NRXN3: variants seen among roughly 807,000 people sequenced by gnomAD.
The protein encoded by NRXN3 is neurexin III.
In NRXN3, 32 loss-of-function variants were observed where a neutral mutation model predicts 137.6. That is an observed-to-expected ratio of 0.23 (90% CI 0.18 to 0.31). The LOEUF is 0.31. NRXN3 is among the 10% of genes least tolerant of loss of function. NRXN3 has a pLI of 1.00. For missense variants in NRXN3, 1,574 were observed against 2,062.5 expected (o/e 0.76, Z 4.59); for synonymous variants, 798 against 784.5 (o/e 1.02, Z -0.29).
chr14:78,492,119 C>T (rs938823211), intron 4 of NRXN3, among the ~76,000 whole-genome samples: 2 of 152,076 alleles, frequency 1.3e-5, no homozygotes, highest in African/African-American at 4.8e-5. Flanking sequence ...TATGATTAAA[C>T]AAAATAATAG....
intron 16 of NRXN3, among the ~76,000 whole-genome samples, chr14:79,511,860 T>C (rs1197432579): frequency 6.6e-6 from 1 of 152,204 alleles, no homozygotes; most frequent in Non-Finnish European, 1.5e-5. Flanking sequence ...GTTTGGAAAA[T>C]AACAGCTAAG....
chr14:78,344,310 A>G (rs2082464406), intron 4 of NRXN3, among the ~76,000 whole-genome samples: 1 of 152,234 alleles, frequency 6.6e-6, no homozygotes, highest in Non-Finnish European at 1.5e-5. Context: ...ACCCTAGGGC[A>G]TATTGGAGTC....
chr14:79,498,504 C>T (rs139287433), intron 16 of NRXN3, among the ~76,000 whole-genome samples: 1 of 152,190 alleles, frequency 6.6e-6, no homozygotes, highest in East Asian at 1.9e-4. Context: ...ATCCCCCAAC[C>T]TGCTCCTTAC....
intron 4 of NRXN3, among the ~76,000 whole-genome samples, chr14:78,581,599 G>A (rs983160783): frequency 2.0e-5 from 3 of 152,120 alleles, no homozygotes; most frequent in African/African-American, 7.2e-5. Context: ...TTCTCTACAG[G>A]TTTATAAAAA....
At chr14:79,286,914 C>G (rs1203342637) in intron 15 of NRXN3, among the ~76,000 whole-genome samples, 1 of 152,132 alleles carries the variant, frequency 6.6e-6, no homozygotes, top group Non-Finnish European at 1.5e-5. Flanking sequence ...GTTAACCATA[C>G]TTATATCACA....
At chr14:79,547,918 A>G (rs1231587557) in intron 16 of NRXN3, among the ~76,000 whole-genome samples, 1 of 152,280 alleles carries the variant, frequency 6.6e-6, no homozygotes, top group Non-Finnish European at 1.5e-5. Context: ...TTGTCCTTTG[A>G]CTTAGGCAAC....
intron 4 of NRXN3, among the ~76,000 whole-genome samples, chr14:78,395,547 T>C (rs538284465): frequency 1.3e-5 from 2 of 152,106 alleles, no homozygotes; most frequent in South Asian, 4.1e-4. Context: ...TTGATGGTGT[T>C]ACTGGGTTCT....
chr14:78,912,056 G>GCTAT lies in NRXN3; in HGVS notation c.2276-45184_2276-45181dup, dbSNP rs796594169. 1.2e-3 allele frequency among the ~76,000 whole-genome samples: 179 copies of GCTAT among 151,756 alleles called. 1 individual carries two copies. Among genetic ancestry groups the GCTAT allele is most frequent in the African/African-American group, 4.1e-3 (171 of 41,380 alleles). On this transcript the variant is annotated intron_variant, in intron 10 of 20. Coordinates refer to ENST00000335750, the MANE Select transcript of NRXN3 (RefSeq NM_001330195.2). ...TTTAGCATTAGGTATATCTCCTAATGCTATCCCTCCCCCTGCCCCCCATCC... is the reference window on the plus strand; with the variant it reads ...TTTAGCATTAGGTATATCTCCTAATGCTATCTATCCCTCCCCCTGCCCCCCATCC...
intron 19 of NRXN3, among the ~76,000 whole-genome samples, chr14:79,771,475 G>A (rs555458563): frequency 0.035 from 5,222 of 151,166 alleles, 75 homozygotes; most frequent in African/African-American, 0.12. Context: ...TTCAATATAC[G>A]CAAATCAATC....
intron 1 of NRXN3, among the ~76,000 whole-genome samples, chr14:78,199,689 G>A (rs971917833): frequency 6.6e-6 from 1 of 152,146 alleles, no homozygotes; most frequent in Non-Finnish European, 1.5e-5. Context: ...CACTGGGCCT[G>A]GAACCTCAAT....
chr14:78,308,700 C>G (rs1472040775), intron 4 of NRXN3, among the ~76,000 whole-genome samples: 1 of 151,984 alleles, frequency 6.6e-6, no homozygotes, highest in East Asian at 1.9e-4. Flanking sequence ...TGGCTTGATA[C>G]TATAAAAAAT....
At chr14:78,260,394 C>A (rs549142989) in intron 2 of NRXN3, among the ~76,000 whole-genome samples, 6 of 152,296 alleles carry the variant, frequency 3.9e-5, no homozygotes, top group Admixed American at 3.9e-4. Flanking sequence ...TGGCTGAGGA[C>A]CACAAATGAA....
At chr14:79,813,269 AG>A (rs773719900) in intron 20 of NRXN3, among the ~76,000 whole-genome samples, 28 of 152,254 alleles carry the variant, frequency 1.8e-4, no homozygotes, top group Middle Eastern at 3.4e-3. Flanking sequence ...TCCATAATTC[AG>A]TTATCCTTGG....
intron 15 of NRXN3, among the ~76,000 whole-genome samples, chr14:79,135,862 C>T (rs1057435775): frequency 6.6e-6 from 1 of 152,184 alleles, no homozygotes; most frequent in African/African-American, 2.4e-5. Context: ...TAAGATCACA[C>T]AGCTCATTGT....
At chr14:79,343,319 A>G (rs950468808) in intron 15 of NRXN3, among the ~76,000 whole-genome samples, 1 of 152,174 alleles carries the variant, frequency 6.6e-6, no homozygotes, top group African/African-American at 2.4e-5. Context: ...ACTGTAAGCT[A>G]TAAAGTATAA....
At chr14:78,628,226 C>T (rs2097486238) in intron 4 of NRXN3, among the ~76,000 whole-genome samples, 1 of 152,056 alleles carries the variant, frequency 6.6e-6, no homozygotes, top group Non-Finnish European at 1.5e-5. Flanking sequence ...ACACATGCCA[C>T]CGTGCCCAGA....
intron 4 of NRXN3, among the ~76,000 whole-genome samples, chr14:78,310,312 T>TGCTTTCTG (rs1380574660): frequency 6.7e-6 from 1 of 150,164 alleles, no homozygotes; most frequent in Non-Finnish European, 1.5e-5. Context: ...GTGAAGGAAT[T>TGCTTTCTG]GCTTTCTGGT....
intron 6 of NRXN3, among the ~76,000 whole-genome samples, chr14:78,652,285 C>A (rs2097753156): frequency 6.6e-6 from 1 of 152,180 alleles, no homozygotes; most frequent in Non-Finnish European, 1.5e-5. Flanking sequence ...TGTGAAAAAA[C>A]AGTGGGACTT....
rs869266975 is a variant in NRXN3 at position 79,059,250 on chromosome 14, C to CTTTTTTTTTTTTTTTTTTTTTTTTTT, written c.3262+71134_3262+71135insTTTTTTTTTTTTTTTTTTTTTTTTTT. Among the ~76,000 whole-genome samples the CTTTTTTTTTTTTTTTTTTTTTTTTTT allele has an allele frequency of 3.7e-4, 29 of 78,276 alleles. 2 individuals carry two copies. Among genetic ancestry groups the CTTTTTTTTTTTTTTTTTTTTTTTTTT allele is most frequent in the Non-Finnish European group, 5.2e-4 (21 of 40,674 alleles). 51.4% of individuals were successfully genotyped at this position (78,276 alleles called of 152,430 possible). On this transcript the variant is annotated intron_variant, in intron 15 of 20. Coordinates refer to ENST00000335750, the MANE Select transcript of NRXN3 (RefSeq NM_001330195.2). ...AAGAAGGCTGCCTTCAGGCCCTATT[C>CTTTTTTTTTTTTTTTTTTTTTTTTTT]TTTTTTTTTTTTTTTTTTTTTTTTT...
Sources: gnomAD v4.1 joint callset for allele counts (sites outside exome capture counted in the v4.1 genomes callset) on GRCh38, gnomAD v4.1.1 for gene constraint, MANE v1.5 for transcripts, NCBI Gene and HGNC (gene_info 2026-07-23, HGNC 2026-07-21) for gene names.